Variants in CSMD1 observed in about 807,000 individuals in gnomAD.
CSMD1 encodes CUB and sushi domain-containing protein 1.
CSMD1 carries 213 observed loss-of-function variants against 417.5 expected under a neutral mutation model. The ratio of observed to expected loss-of-function variants is 0.51; its 90% CI spans 0.46 to 0.57. The LOEUF (loss-of-function observed/expected upper bound fraction) is 0.57, where lower values mean the gene tolerates loss of function less well. Ranked by LOEUF, CSMD1 falls within the 20% of genes least tolerant of loss-of-function variation. The pLI, the probability that CSMD1 is intolerant of heterozygous loss-of-function variation, is 0.00. For missense variants in CSMD1, 6,923 were observed against 4,529.7 expected (o/e 1.53, Z -15.17); for synonymous variants, 2,862 against 1,736.8 (o/e 1.65, Z -16.11).
rs1245133066 is a variant in CSMD1 at position 4,668,253 on chromosome 8, C to G, written c.86-30695G>C. Among the ~76,000 whole-genome samples the G allele has an allele frequency of 2.0e-5, 3 of 151,846 alleles. No homozygotes were observed. The East Asian group carries it at 5.8e-4, about 29-fold the overall frequency. On this transcript the variant is annotated intron_variant, in intron 1 of 69. Coordinates refer to ENST00000635120, the MANE Select transcript of CSMD1 (RefSeq NM_033225.6). ...GGGCATTCCGTTGAAAAGCCCAAACCACAAACCCAAATCTCATCCACGTTT... is the reference window on the plus strand; with the variant it reads ...GGGCATTCCGTTGAAAAGCCCAAACGACAAACCCAAATCTCATCCACGTTT...
intron 10 of CSMD1, among the ~76,000 whole-genome samples, chr8:3,535,333 G>C (rs993282434): frequency 6.6e-6 from 1 of 152,140 alleles, no homozygotes; most frequent in East Asian, 1.9e-4. Flanking sequence ...TATATACCAT[G>C]CTGAGTCACT....
At chr8:3,014,421 G>C (rs187986088) in intron 52 of CSMD1, among the ~76,000 whole-genome samples, 1 of 151,950 alleles carries the variant, frequency 6.6e-6, no homozygotes, top group African/African-American at 2.4e-5. Flanking sequence ...TGCTTTTCCT[G>C]TTGTGAGAAC....
At chr8:3,890,619 T>C (rs1006138926) in intron 5 of CSMD1, among the ~76,000 whole-genome samples, 5 of 152,146 alleles carry the variant, frequency 3.3e-5, no homozygotes, top group African/African-American at 1.2e-4. Flanking sequence ...GGCATATTTT[T>C]CCGATTTCAG....
intron 4 of CSMD1, among the ~76,000 whole-genome samples, chr8:4,022,471 G>T (rs1335959167): frequency 6.6e-6 from 1 of 152,226 alleles, no homozygotes; most frequent in African/African-American, 2.4e-5. Context: ...TTGCAGCCTT[G>T]CTCAGGTTTA....
At chr8:3,399,039 C>G (rs1207908484) in intron 16 of CSMD1, among the ~76,000 whole-genome samples, 2 of 152,096 alleles carry the variant, frequency 1.3e-5, no homozygotes, top group African/African-American at 2.4e-5. Context: ...ACAGAAGACA[C>G]CTAAGGGACC....
At chr8:3,612,814 A>G (rs1015215040) in intron 8 of CSMD1, among the ~76,000 whole-genome samples, 1 of 152,076 alleles carries the variant, frequency 6.6e-6, no homozygotes, top group African/African-American at 2.4e-5. Context: ...AAATACCCAC[A>G]TTTAGAAAGA....
At chr8:4,960,440 A>C (rs532024785) in intron 1 of CSMD1, among the ~76,000 whole-genome samples, 4 of 152,268 alleles carry the variant, frequency 2.6e-5, no homozygotes, top group African/African-American at 9.6e-5. Context: ...AACTACTTTC[A>C]CCTGGCATGT....
At position 4,201,104 on chromosome 8, in the gene CSMD1, G is replaced by T. The variant is rs555845187; in HGVS notation, c.416-169005C>A. 6.6e-5 allele frequency among the ~76,000 whole-genome samples: 10 copies of T among 152,264 alleles called. No homozygotes were observed. In the South Asian group the frequency reaches 1.7e-3, roughly 25 times the overall value. ...TTGGGCCAATGTCTTACCTTTCAGA[G>T]AATCAGTGACTTTGCATATCAATTA... On this transcript the variant is annotated intron_variant, in intron 3 of 69. Transcript: ENST00000635120.
chr8:4,722,892 A>T (rs1454210694), intron 1 of CSMD1, among the ~76,000 whole-genome samples: 1 of 152,218 alleles, frequency 6.6e-6, no homozygotes, highest in Non-Finnish European at 1.5e-5. Context: ...TCTGTGAAAT[A>T]CAAAGATCTT....
chr8:3,304,734 TTAA>T (rs1190152899), intron 25 of CSMD1, among the ~76,000 whole-genome samples: 3 of 151,488 alleles, frequency 2.0e-5, no homozygotes, highest in African/African-American at 4.8e-5. Flanking sequence ...TTTTCTCTTT[TTAA>T]TTTTTTTTAT....
chr8:3,523,182 G>C (rs918605944), intron 10 of CSMD1, among the ~76,000 whole-genome samples: 7 of 152,176 alleles, frequency 4.6e-5, no homozygotes, highest in African/African-American at 1.7e-4. Flanking sequence ...GGGCTACTTG[G>C]AATCAAATAC....
chr8:4,622,466 C>T (rs1394646735), intron 2 of CSMD1, among the ~76,000 whole-genome samples: 1 of 152,096 alleles, frequency 6.6e-6, no homozygotes, highest in African/African-American at 2.4e-5. Context: ...CTGCACAATG[C>T]TGACTGGCAC....
chr8:3,069,338 G>A (rs1390734925), intron 49 of CSMD1, among the ~76,000 whole-genome samples: 1 of 151,918 alleles, frequency 6.6e-6, no homozygotes. Flanking sequence ...GGGAGGCTAA[G>A]GCAGGAGACT....
intron 5 of CSMD1, among the ~76,000 whole-genome samples, chr8:3,884,595 G>A (rs1470709562): frequency 6.6e-6 from 1 of 152,152 alleles, no homozygotes; most frequent in Non-Finnish European, 1.5e-5. Flanking sequence ...AAACATCGGT[G>A]AGAAGTCATT....
chr8:3,653,766 C>T (rs748736347), intron 7 of CSMD1, among the ~76,000 whole-genome samples: 14 of 152,242 alleles, frequency 9.2e-5, no homozygotes, highest in African/African-American at 1.7e-4. Context: ...CACAGTGGGT[C>T]CCCAAAATGA....
intron 1 of CSMD1, among the ~76,000 whole-genome samples, chr8:4,971,798 G>A (rs1292509721): frequency 6.6e-6 from 1 of 151,658 alleles, no homozygotes; most frequent in Non-Finnish European, 1.5e-5. Flanking sequence ...ATTATTATAA[G>A]TAGAAATATA....
chr8:4,971,457 A>G (rs184221486), intron 1 of CSMD1, among the ~76,000 whole-genome samples: 161 of 152,202 alleles, frequency 1.1e-3, no homozygotes, highest in Middle Eastern at 6.8e-3. Flanking sequence ...TTCTGAAAGG[A>G]AAGCTGGCAG....
At chr8:3,928,231 G>C (rs1202924501) in intron 5 of CSMD1, among the ~76,000 whole-genome samples, 2 of 152,178 alleles carry the variant, frequency 1.3e-5, no homozygotes, top group African/African-American at 2.4e-5. Context: ...AATAGAAATA[G>C]TAGGTATAAT....
intron 33 of CSMD1, among the ~76,000 whole-genome samples, chr8:3,191,848 G>T (rs1437209615): frequency 6.6e-6 from 1 of 152,278 alleles, no homozygotes; most frequent in Middle Eastern, 3.4e-3. Context: ...ACAGTATTTA[G>T]GTACTGTCTC....
Sources: gnomAD v4.1 joint callset for allele counts (sites outside exome capture counted in the v4.1 genomes callset) on GRCh38, gnomAD v4.1.1 for gene constraint, MANE v1.5 for transcripts, NCBI Gene and HGNC (gene_info 2026-07-23, HGNC 2026-07-21) for gene names.